DLGAP1: variants seen among roughly 807,000 people sequenced by gnomAD.
The protein encoded by DLGAP1 is disks large-associated protein 1.
In DLGAP1, 11 loss-of-function variants were observed where a neutral mutation model predicts 90.8. The ratio of observed to expected loss-of-function variants is 0.12; its 90% CI spans 0.08 to 0.20. The LOEUF is 0.20. Ranked by LOEUF, DLGAP1 falls within the 10% of genes least tolerant of loss-of-function variation. The probability of loss-of-function intolerance (pLI) is 1.00; values close to 1 mark genes in which losing one functional copy is unlikely to be tolerated. For synonymous variants in DLGAP1, 558 were observed against 540.7 expected, an observed-to-expected ratio of 1.03 and a Z score of -0.44; for missense variants, 1,050 against 1,333.8, an observed-to-expected ratio of 0.79 and a Z score of 3.31.
intron 2 of DLGAP1, among the ~76,000 whole-genome samples, chr18:4,091,536 C>T (rs149812818): frequency 7.3e-4 from 111 of 152,228 alleles, no homozygotes; most frequent in African/African-American, 2.6e-3. Flanking sequence ...TGTTTAACAG[C>T]TCTTCAATAC....
At chr18:3,946,216 T>G (rs1182625142) in intron 3 of DLGAP1, among the ~76,000 whole-genome samples, 3 of 152,178 alleles carry the variant, frequency 2.0e-5, no homozygotes, top group Non-Finnish European at 4.4e-5. Context: ...TCCTTACTCT[T>G]CATTGCTGTC....
chr18:3,728,287 T>C (rs961880273), intron 7 of DLGAP1, among the ~76,000 whole-genome samples: 4 of 141,738 alleles, frequency 2.8e-5, no homozygotes, highest in Non-Finnish European at 6.0e-5. Context: ...ATTTTCTTTT[T>C]GGAACGCAAA....
intron 1 of DLGAP1, among the ~76,000 whole-genome samples, chr18:4,255,565 C>T (rs2078872585): frequency 6.6e-6 from 1 of 151,120 alleles, no homozygotes; most frequent in African/African-American, 2.4e-5. Context: ...CCACTATTTT[C>T]CCTATTCAGT....
intron 3 of DLGAP1, among the ~76,000 whole-genome samples, chr18:3,880,701 G>T: frequency 6.6e-6 from 1 of 152,048 alleles, no homozygotes; most frequent in Non-Finnish European, 1.5e-5. Flanking sequence ...CCAGCACTTT[G>T]GGGGGCCAAG....
At chr18:4,286,428 A>G (rs2079693511) in intron 1 of DLGAP1, among the ~76,000 whole-genome samples, 1 of 152,082 alleles carries the variant, frequency 6.6e-6, no homozygotes, top group African/African-American at 2.4e-5. Context: ...GCATCAACAC[A>G]TGACTCATTT....
At chr18:3,699,175 T>C (rs953001188) in intron 7 of DLGAP1, among the ~76,000 whole-genome samples, 1 of 152,086 alleles carries the variant, frequency 6.6e-6, no homozygotes, top group African/African-American at 2.4e-5. Context: ...CCATCCAGTT[T>C]TGTTCCCTTG....
At chr18:4,064,032 C>T (rs1004872148) in intron 2 of DLGAP1, among the ~76,000 whole-genome samples, 35 of 152,048 alleles carry the variant, frequency 2.3e-4, no homozygotes, top group African/African-American at 8.2e-4. Flanking sequence ...CCTGGCATGT[C>T]CTCCTGGATC....
intron 1 of DLGAP1, among the ~76,000 whole-genome samples, chr18:4,267,197 T>C (rs909413069): frequency 4.8e-5 from 7 of 145,608 alleles, no homozygotes; most frequent in African/African-American, 2.0e-4. Flanking sequence ...TGTGTGTGTG[T>C]GTATCTATCT....
intron 5 of DLGAP1, among the ~76,000 whole-genome samples, chr18:3,744,820 A>G (rs917661501): frequency 2.0e-5 from 3 of 152,248 alleles, no homozygotes; most frequent in Non-Finnish European, 2.9e-5. Context: ...TGTTGGGATT[A>G]CAGGCATAAG....
intron 4 of DLGAP1, among the ~76,000 whole-genome samples, chr18:3,826,045 T>C (rs2067692983): frequency 6.6e-6 from 1 of 152,198 alleles, no homozygotes; most frequent in Non-Finnish European, 1.5e-5. Flanking sequence ...AAATACTGCC[T>C]GTTCTCACTT....
At chr18:4,269,406 T>G (rs1008471857) in intron 1 of DLGAP1, among the ~76,000 whole-genome samples, 4 of 149,358 alleles carry the variant, frequency 2.7e-5, no homozygotes, top group African/African-American at 7.3e-5. Context: ...CAGGCTGGAG[T>G]GCAGTGGCGC....
chr18:4,279,015 GT>G (rs2079485581), intron 1 of DLGAP1, among the ~76,000 whole-genome samples: 1 of 152,204 alleles, frequency 6.6e-6, no homozygotes, highest in Admixed American at 6.5e-5. Flanking sequence ...CTAGTGGAAT[GT>G]GTCTATTTTC....
At chr18:4,049,835 C>T (rs888190460) in intron 2 of DLGAP1, among the ~76,000 whole-genome samples, 2 of 152,070 alleles carry the variant, frequency 1.3e-5, no homozygotes, top group South Asian at 2.1e-4. Flanking sequence ...TCCATCCATC[C>T]GCTCACCTAC....
chr18:4,052,396 T>A (rs4511627), intron 2 of DLGAP1, among the ~76,000 whole-genome samples: 31,018 of 152,072 alleles, frequency 0.2, 3,340 homozygotes, highest in Admixed American at 0.27. Flanking sequence ...ACTATGTGGA[T>A]GTTGCCAAGG....
chr18:4,278,136 T>C (rs912900731), intron 1 of DLGAP1, among the ~76,000 whole-genome samples: 6 of 152,174 alleles, frequency 3.9e-5, no homozygotes, highest in African/African-American at 1.4e-4. Context: ...GTTTTTTAAA[T>C]ACAGCATGTT....
chr18:3,523,560 A>C (rs147724342), intron 10 of DLGAP1, among the ~76,000 whole-genome samples: 2,573 of 152,008 alleles, frequency 0.017, 41 homozygotes, highest in Middle Eastern at 0.027. Context: ...AAATGGGCAA[A>C]GGTCCGACCA....
intron 7 of DLGAP1, chr18:3,721,542 T>C (rs1470999336): frequency 6.6e-6 from 1 of 152,188 alleles, no homozygotes; most frequent in African/African-American, 2.4e-5. Context: ...AAACAGATAT[T>C]TCACAGACAA....
At chr18:4,151,436 C>G (rs2076673201) in intron 1 of DLGAP1, 149 bp from the exon 2 acceptor site, 1 of 152,130 alleles carries the variant, frequency 6.6e-6, no homozygotes, top group African/African-American at 2.4e-5. Flanking sequence ...TGGCCGTGTT[C>G]TTGCATGATG....
At chr18:3,588,019 TA>T (rs1202447067) in intron 7 of DLGAP1, among the ~76,000 whole-genome samples, 1 of 152,248 alleles carries the variant, frequency 6.6e-6, no homozygotes, top group Non-Finnish European at 1.5e-5. Context: ...CAAATGAAAT[TA>T]TTTTTTTCCT....
Sources: gnomAD v4.1 joint callset for allele counts (sites outside exome capture counted in the v4.1 genomes callset) on GRCh38, gnomAD v4.1.1 for gene constraint, MANE v1.5 for transcripts, NCBI Gene and HGNC (gene_info 2026-07-23, HGNC 2026-07-21) for gene names.